The following ATXN2L variants were observed in gnomAD, a reference collection of about 807,000 sequenced individuals.
The protein encoded by ATXN2L is ataxin-2-like protein.
ATXN2L carries 24 observed loss-of-function variants against 120.7 expected under a neutral mutation model. That is an observed-to-expected ratio of 0.20 (90% CI 0.14 to 0.28). ATXN2L has a LOEUF of 0.28. Ranked by LOEUF, ATXN2L falls within the 10% of genes least tolerant of loss-of-function variation. ATXN2L has a pLI of 1.00. For synonymous variants in ATXN2L, 653 were observed against 568.1 expected (o/e 1.15, Z -2.13); for missense variants, 1,312 against 1,432.3 (o/e 0.92, Z 1.36).
At position 28,825,781 on chromosome 16, in the gene ATXN2L, T is replaced by G; in HGVS notation, c.405T>G (p.Cys135Trp). The change falls in exon 4 of 22, where the codon TGT becomes TGG. Residue 135 changes from cysteine to tryptophan, a missense_variant. Transcript: ENST00000336783. ...TCCCACTCTGCCAGGGCTCCACTTG[T>G]GATGTAAAGGTGAAAAATGGTACCA... ...HFLTAVVGST[C>W]DVKVKNGTTY... The G allele has an allele frequency of 6.2e-7, 1 of 1,614,024 alleles. No individual in the cohort carries two copies. The highest frequency in any genetic ancestry group is 8.5e-7 in the Non-Finnish European group (1 of 1,179,948).
intron 1 of ATXN2L, chr16:28,824,440 C>T: frequency 3.1e-6 from 4 of 1,285,560 alleles, no homozygotes; most frequent in South Asian, 1.2e-5. Flanking sequence ...TTTGCGGCTG[C>T]GCTGTCCCCC....
intron 6 of ATXN2L, among the ~76,000 whole-genome samples, chr16:28,827,843 G>C (rs1389902986): frequency 6.6e-6 from 1 of 152,240 alleles, no homozygotes; most frequent in Non-Finnish European, 1.5e-5. Flanking sequence ...TTGAAGCTTT[G>C]GTGCACTATG....
rs371371679 is a variant in ATXN2L at position 28,836,352 on chromosome 16, C to T, written c.*87C>T. On this transcript the variant is annotated 3_prime_UTR_variant, in exon 22 of 22. Transcript: ENST00000336783. ...ATGTAGGGTGGGCAGAAGCCACAGT[C>T]GCCGCCGCCAGGGGCTTGCTCCTGG... 8 of 1,613,314 alleles carry T rather than the reference C, an allele frequency of 5.0e-6. No individual in the cohort carries two copies. Among genetic ancestry groups the T allele is most frequent in the Admixed American group, 1.7e-5 (1 of 59,966 alleles).
rs1395796425 is a variant in ATXN2L at position 28,823,107 on chromosome 16, C to T, written c.-153C>T. ...GCTTCCTCGCGCCGCGGTCTTCTCT[C>T]TCCACCCCCGACACCGCGGGGCTCC... is the stretch of plus-strand genomic sequence containing the variant. On this transcript the variant is annotated 5_prime_UTR_variant, in exon 1 of 22. Transcript: ENST00000336783. 5 of 311,390 alleles carry T rather than the reference C, an allele frequency of 1.6e-5. No individual in the cohort carries two copies. Among genetic ancestry groups the T allele is most frequent in the Non-Finnish European group, 5.6e-6 (1 of 177,428 alleles). 19.3% of individuals were successfully genotyped at this position (311,390 alleles called of 1,614,324 possible). A position where few individuals can be genotyped will look rare whatever the true frequency, so the allele number is the denominator to read the frequency against.
In ATXN2L at chr16:28,834,076, C is replaced by G; in HGVS notation, c.2037C>G (p.Thr679=). The G allele has an allele frequency of 1.2e-6, 2 of 1,613,234 alleles. No homozygotes were observed. The highest frequency in any genetic ancestry group is 1.1e-5 in the South Asian group (1 of 90,934). Residue 679 remains threonine (T), a synonymous_variant, in exon 16 of 22, where the codon ACC becomes ACG. Coordinates refer to ENST00000336783, the MANE Select transcript of ATXN2L (RefSeq NM_007245.4). ...CCTTGTTTTTGCAGAATAAATCCAC[C>G]AGTACCCCAACTTCTCCGGGGCCCC... is the stretch of plus-strand genomic sequence containing the variant. ...TKPLLSVNKS[T]STPTSPGPRT... is the part of the protein sequence containing the mutation.
rs371862735 is a variant in ATXN2L at position 28,831,052 on chromosome 16, C to G, written c.1301C>G (p.Ser434Cys). ...SPSNRPSGETSVPPPPAVGRM... is the reference protein window; with the variant it reads ...SPSNRPSGETCVPPPPAVGRM... ...AGTAATAGGCCTTCTGGAGAAACTT[C>G]TGTTCCACCTCCTCCTGCAGGTAAA... Residue 434 changes from serine to cysteine, a missense_variant, in exon 10 of 22, where the codon TCT (serine) becomes TGT (cysteine). Transcript: ENST00000336783. The G allele has an allele frequency of 3.6e-5, 58 of 1,608,596 alleles. No homozygotes were observed. The South Asian group carries it at 5.6e-4, about 15-fold the overall frequency.
intron 10 of ATXN2L, 34 bp from the exon 11 acceptor site, chr16:28,832,171 A>G (rs1190961224): frequency 1.2e-6 from 2 of 1,612,088 alleles, no homozygotes; most frequent in Non-Finnish European, 1.7e-6. Context: ...GTTGACCAGC[A>G]GTAACCATCC....
rs763494123 is a variant in ATXN2L, at chr16:28,836,481, C to G, written c.*216C>G. 6.2e-7 allele frequency: 1 copy of G among 1,609,902 alleles called. No individual in the cohort carries two copies. The highest frequency in any genetic ancestry group is 8.5e-7 in the Non-Finnish European group (1 of 1,178,164). On this transcript the variant is annotated 3_prime_UTR_variant, in exon 22 of 22. Transcript: ENST00000336783. ...TGACCCCGACTGTCTCCTGACTTAGCCGAGGTAAGGTCAGTGCAGCAGACA... is the reference window on the plus strand; with the variant it reads ...TGACCCCGACTGTCTCCTGACTTAGGCGAGGTAAGGTCAGTGCAGCAGACA...
rs113484593 is a variant in ATXN2L at position 28,832,787 on chromosome 16, ATTTTC to A, written c.1589-27_1589-23del. ...CCACCTTAGAGAAAGAATGTTTTGT[ATTTTC>A]TTCTTTTTGACTGTTTTCTCATAGT... On this transcript the variant is annotated intron_variant, in intron 12 of 21. Coordinates refer to ENST00000336783, the MANE Select transcript of ATXN2L (RefSeq NM_007245.4). 4.3e-6 allele frequency: 7 copies of A among 1,609,682 alleles called. No homozygotes were observed. The African/African-American group carries it at 5.3e-5, about 12-fold the overall frequency.
Position 28,829,488 on chromosome 16 carries a change from T to G in ATXN2L, c.829T>G (p.Tyr277Asp). The part of the protein sequence containing the change: ...KTTYDSSLSS[Y>D]TVPLEKDNSE... ...TACCTATGATAGCAGTCTTTCTTCT[T>G]ATACGTGAGTATCTTGGTGCTCTCC... Residue 277 changes from tyrosine to aspartate, a missense_variant, in exon 7 of 22, where the codon TAT (tyrosine) becomes GAT (aspartate). Tyr to Asp is a radical substitution (Grantham distance 160). Coordinates refer to ENST00000336783, the MANE Select transcript of ATXN2L (RefSeq NM_007245.4). The G allele has an allele frequency of 6.3e-7, 1 of 1,594,450 alleles. No individual in the cohort carries two copies. Among genetic ancestry groups the G allele is most frequent in the Non-Finnish European group, 8.6e-7 (1 of 1,162,140 alleles).
chr16:28,835,868 C>T (rs962996013), intron 21 of ATXN2L, 65 bp from the exon 22 acceptor site: 34 of 1,574,886 alleles, frequency 2.2e-5, no homozygotes, highest in South Asian at 3.5e-5. Flanking sequence ...TGCTCCCTAA[C>T]TCTGGCTCTC....
Position 28,837,048 on chromosome 16 carries a change from A to G in ATXN2L, c.*783A>G, listed in dbSNP as rs1291019416. 2 of 644,260 alleles carry G rather than the reference A, an allele frequency of 3.1e-6. No homozygotes were observed. The highest frequency in any genetic ancestry group is 5.7e-6 in the Non-Finnish European group (2 of 349,398). 39.9% of individuals were successfully genotyped at this position (644,260 alleles called of 1,614,324 possible). A position where few individuals can be genotyped will look rare whatever the true frequency, so the allele number is the denominator to read the frequency against. Reference sequence around the variant, plus strand: ...CATCTATTCCCCCGCTGGAGACGGAAGATCTTTTATTTTCTATTATTTATA... The same window carrying G: ...CATCTATTCCCCCGCTGGAGACGGAGGATCTTTTATTTTCTATTATTTATA... On this transcript the variant is annotated 3_prime_UTR_variant, in exon 22 of 22. Coordinates refer to ENST00000336783, the MANE Select transcript of ATXN2L (RefSeq NM_007245.4).
intron 2 of ATXN2L, 50 bp downstream of exon 2, chr16:28,825,452 A>C: frequency 1.3e-6 from 2 of 1,598,130 alleles, no homozygotes; most frequent in Non-Finnish European, 1.7e-6. Flanking sequence ...TAAAAGATGC[A>C]TAATGTGGGA....
chr16:28,823,307 G>A lies in ATXN2L; in HGVS notation c.48G>A (p.Pro16=), dbSNP rs368613951. ...AACAGCCCTCCCAGCCCCAGCAGCC[G>A]CCCCCCACGCAACAGGCCGTGGCCC... ...PLQQPSQPQQ[P]PPTQQAVARR... is the part of the protein sequence containing the mutation. Residue 16 remains proline (P), a synonymous_variant, in exon 1 of 22, where the codon CCG becomes CCA. Transcript: ENST00000336783. 2.7e-6 allele frequency: 4 copies of A among 1,487,490 alleles called. No individual in the cohort carries two copies. Among genetic ancestry groups the A allele is most frequent in the Admixed American group, 2.2e-5 (1 of 44,670 alleles). The allele number at this position is 1,487,490 out of a possible 1,614,324, so 92.1% of individuals were successfully genotyped here. A position where few individuals can be genotyped will look rare whatever the true frequency, so the allele number is the denominator to read the frequency against.
chr16:28,833,953 C>A, intron 15 of ATXN2L, 112 bp from the exon 16 acceptor site: 1 of 1,233,092 alleles, frequency 8.1e-7, no homozygotes, highest in Non-Finnish European at 1.1e-6. Context: ...AAGATAAGTG[C>A]AGAATATGTT....
intron 1 of ATXN2L, chr16:28,824,484 C>T: frequency 7.8e-7 from 1 of 1,288,228 alleles, no homozygotes; most frequent in Non-Finnish European, 1.0e-6. Flanking sequence ...CGCCCTCAAC[C>T]GCCGGTTACA....
rs201982360 is a variant in ATXN2L, at chr16:28,826,865, A to G, written c.620A>G (p.Lys207Arg). The change falls in exon 6 of 22, where the codon AAG becomes AGG. Residue 207 changes from lysine to arginine, a missense_variant. By Grantham distance (26) the Lys-to-Arg change is conservative. Coordinates refer to ENST00000336783, the MANE Select transcript of ATXN2L (RefSeq NM_007245.4). ...ATCTTCACCTCTGCCCCCACAGACA[A>G]GTTCACCGATTCAGCCATTGCCATG... ...NVDFNYATKD[K>R]FTDSAIAMNS... 89 of 1,579,396 alleles carry G rather than the reference A, an allele frequency of 5.6e-5. No homozygotes were observed. Among genetic ancestry groups the G allele is most frequent in the Non-Finnish European group, 7.1e-5 (82 of 1,158,866 alleles).
In ATXN2L at chr16:28,823,103, C is replaced by G; in HGVS notation, c.-157C>G. 5.2e-6 allele frequency: 1 copy of G among 191,660 alleles called. No individual in the cohort carries two copies. The highest frequency in any genetic ancestry group is 1.0e-5 in the Non-Finnish European group (1 of 97,758). The allele number at this position is 191,660 out of a possible 1,614,324, so 11.9% of individuals were successfully genotyped here. A position where few individuals can be genotyped will look rare whatever the true frequency, so the allele number is the denominator to read the frequency against. On this transcript the variant is annotated 5_prime_UTR_variant, in exon 1 of 22. Transcript: ENST00000336783. The stretch of plus-strand genomic sequence containing the variant: ...CGGCGCTTCCTCGCGCCGCGGTCTT[C>G]TCTCTCCACCCCCGACACCGCGGGG...
At chr16:28,825,246 C>A in intron 1 of ATXN2L, 120 bp from the exon 2 acceptor site, 1 of 977,010 alleles carries the variant, frequency 1.0e-6, no homozygotes, top group South Asian at 1.5e-5. Flanking sequence ...TACTGATTAA[C>A]AATTTTGTAG....
Sources: gnomAD v4.1 joint callset for allele counts (sites outside exome capture counted in the v4.1 genomes callset) on GRCh38, gnomAD v4.1.1 for gene constraint, MANE v1.5 for transcripts, NCBI Gene and HGNC (gene_info 2026-07-23, HGNC 2026-07-21) for gene names.